Variants in DNAH5 observed in about 807,000 individuals in gnomAD.
DNAH5 encodes the protein axonemal beta dynein heavy chain 5.
In DNAH5, 372 loss-of-function variants were observed where a neutral mutation model predicts 518.2. The observed-to-expected ratio is 0.72, with a 90% confidence interval of 0.66 to 0.78. The LOEUF (loss-of-function observed/expected upper bound fraction) is 0.78, where lower values mean the gene tolerates loss of function less well. DNAH5 is among the 30% of genes least tolerant of loss of function. The pLI, the probability that DNAH5 is intolerant of heterozygous loss-of-function variation, is 0.00. For missense variants in DNAH5, 5,523 were observed against 5,687.0 expected (o/e 0.97, Z 0.93); for synonymous variants, 2,039 against 2,025.9 (o/e 1.01, Z -0.17).
chr5:13,751,323 G>A, intron 64 of DNAH5, 63 bp from the exon 65 acceptor site: 1 of 1,388,188 alleles, frequency 7.2e-7, no homozygotes, highest in Non-Finnish European at 1.0e-6. Context: ...TGTCTTTTTT[G>A]TATCAGATCA....
At chr5:13,884,088 T>C (rs1772041636) in intron 19 of DNAH5, among the ~76,000 whole-genome samples, 1 of 152,132 alleles carries the variant, frequency 6.6e-6, no homozygotes, top group African/African-American at 2.4e-5. Context: ...ACCTGAGAAA[T>C]ACAACACCTA....
Position 13,885,026 on chromosome 5 carries a change from G to A in DNAH5, c.2946C>T (p.Arg982=). ...KVTRNTLEAI[R]KRIHSSHTIN... Reference sequence around the variant, plus strand: ...TTGTGTGAGAGGAATGAATACGTTTGCGAATGGCCTCTAGTGTATTCCTTG... The same window carrying A: ...TTGTGTGAGAGGAATGAATACGTTTACGAATGGCCTCTAGTGTATTCCTTG... The change falls in exon 19 of 79, where the codon CGC becomes CGT. Residue 982 remains arginine, a synonymous_variant. Coordinates refer to ENST00000265104, the MANE Select transcript of DNAH5 (RefSeq NM_001369.3). 1.9e-6 allele frequency: 3 copies of A among 1,614,192 alleles called. No individual in the cohort carries two copies. The highest frequency in any genetic ancestry group is 2.5e-6 in the Non-Finnish European group (3 of 1,180,016).
chr5:13,753,198 A>G (rs759452469), intron 63 of DNAH5, 35 bp downstream of exon 63: 179 of 1,522,498 alleles, frequency 1.2e-4, no homozygotes, highest in Non-Finnish European at 1.6e-4. Context: ...AATAAAACTT[A>G]ACCGGTAGCA....
intron 11 of DNAH5, 121 bp downstream of exon 11, chr5:13,913,622 G>T: frequency 8.5e-7 from 1 of 1,183,036 alleles, no homozygotes. Flanking sequence ...AAGGCCATGA[G>T]ATTATTTATA....
chr5:14,005,660 T>C (rs1466659630), intron 1 of DNAH5, among the ~76,000 whole-genome samples: 1 of 152,268 alleles, frequency 6.6e-6, no homozygotes, highest in Non-Finnish European at 1.5e-5. Context: ...AAAAGACTTT[T>C]TGAAAGACCA....
At chr5:13,812,452 C>A (rs1461200980) in intron 43 of DNAH5, among the ~76,000 whole-genome samples, 3 of 152,240 alleles carry the variant, frequency 2.0e-5, no homozygotes, top group African/African-American at 7.2e-5. Flanking sequence ...ACCACAAGTG[C>A]ATGCCACTAC....
intron 15 of DNAH5, chr5:13,898,678 G>T: frequency 2.5e-6 from 1 of 398,432 alleles, no homozygotes; most frequent in Non-Finnish European, 4.4e-6. Context: ...CTAACGTAGT[G>T]GTAGAAAAGA....
chr5:13,782,835 A>T (rs1319116506), intron 52 of DNAH5, among the ~76,000 whole-genome samples: 1 of 151,950 alleles, frequency 6.6e-6, no homozygotes, highest in Admixed American at 6.6e-5. Flanking sequence ...AATCTAGTTA[A>T]ATCCAGTGAG....
chr5:13,753,110 T>C lies in DNAH5; in HGVS notation c.10872+123A>G, dbSNP rs776633522. 53 of 700,838 alleles carry C rather than the reference T, an allele frequency of 7.6e-5. 2 individuals are homozygous for C. Among genetic ancestry groups the C allele is most frequent in the Non-Finnish European group, 1.3e-4 (51 of 404,994 alleles). The allele number at this position is 700,838 out of a possible 1,614,324, so 43.4% of individuals were successfully genotyped here. Reference sequence around the variant, plus strand: ...TTAGATTTAAGCTTGCATCTGCTACTGCTCTACCTAGGATTACAAAAACAT... The same window carrying C: ...TTAGATTTAAGCTTGCATCTGCTACCGCTCTACCTAGGATTACAAAAACAT... On this transcript the variant is annotated intron_variant, in intron 63 of 78. Transcript: ENST00000265104.
intron 68 of DNAH5, 145 bp downstream of exon 68, chr5:13,734,986 G>A (rs2126605514): frequency 3.9e-6 from 3 of 774,736 alleles, no homozygotes; most frequent in East Asian, 5.4e-5. Context: ...TATCACTCAA[G>A]AAAAGAACAA....
At chr5:13,943,990 G>A (rs142311525) in intron 1 of DNAH5, among the ~76,000 whole-genome samples, 22 of 152,280 alleles carry the variant, frequency 1.4e-4, no homozygotes, top group African/African-American at 5.1e-4. Context: ...ACAGGGGAGT[G>A]ATTTCAAAGC....
At chr5:13,844,690 G>A (rs530119725) in intron 32 of DNAH5, 147 bp downstream of exon 32, 2 of 950,202 alleles carry the variant, frequency 2.1e-6, no homozygotes, top group East Asian at 2.4e-5. Context: ...GGTAAATTGG[G>A]CCCCGAGATT....
At chr5:13,831,453 A>G (rs757378288) in intron 35 of DNAH5, among the ~76,000 whole-genome samples, 2 of 152,210 alleles carry the variant, frequency 1.3e-5, no homozygotes, top group African/African-American at 2.4e-5. Context: ...ACCAAAGGAG[A>G]CAAATTATAA....
intron 16 of DNAH5, among the ~76,000 whole-genome samples, chr5:13,891,848 C>T (rs963004001): frequency 3.9e-5 from 6 of 152,042 alleles, no homozygotes; most frequent in Non-Finnish European, 7.4e-5. Context: ...ATGCAAAGGC[C>T]AACTCTGAAG....
chr5:13,998,852 C>CT (rs1486127201), intron 1 of DNAH5, among the ~76,000 whole-genome samples: 1 of 152,050 alleles, frequency 6.6e-6, no homozygotes, highest in African/African-American at 2.4e-5. Flanking sequence ...AATTTCTTTT[C>CT]TTTTTTCCCC....
intron 47 of DNAH5, among the ~76,000 whole-genome samples, chr5:13,806,653 T>C (rs1422664311): frequency 6.6e-6 from 1 of 152,206 alleles, no homozygotes; most frequent in East Asian, 1.9e-4. Context: ...AATAAAAATA[T>C]GAGAGATAAT....
chr5:13,823,639 GTTT>G (rs1366931326), intron 39 of DNAH5, among the ~76,000 whole-genome samples: 43 of 152,176 alleles, frequency 2.8e-4, no homozygotes, highest in Non-Finnish European at 1.3e-4. Context: ...AAAATAGTCA[GTTT>G]TGGGGGATAC....
intron 1 of DNAH5, among the ~76,000 whole-genome samples, chr5:13,979,775 C>T (rs1421345147): frequency 6.6e-6 from 1 of 151,868 alleles, no homozygotes; most frequent in Non-Finnish European, 1.5e-5. Context: ...CTGCATTTGG[C>T]AAAGTTTGTT....
At chr5:13,858,290 C>T (rs924100850) in intron 30 of DNAH5, among the ~76,000 whole-genome samples, 7 of 152,100 alleles carry the variant, frequency 4.6e-5, no homozygotes, top group Non-Finnish European at 8.8e-5. Context: ...AAGCTAGAAA[C>T]CATCATTCTC....
Sources: allele counts gnomAD v4.1 joint callset (sites outside exome capture counted in the v4.1 genomes callset), GRCh38; gene constraint gnomAD v4.1.1; transcripts MANE v1.5; gene names NCBI Gene and HGNC (gene_info 2026-07-23, HGNC 2026-07-21).